The following LMX1A variants were observed in gnomAD, a reference collection of about 807,000 sequenced individuals.
LMX1A encodes the protein LIM homeobox transcription factor 1-alpha.
Under a neutral mutation model 49.1 loss-of-function variants are expected in LMX1A, and 15 were observed. The observed-to-expected ratio is 0.31, with a 90% CI of 0.20 to 0.47. LMX1A has a LOEUF of 0.47. Ranked by LOEUF, LMX1A falls within the 20% of genes least tolerant of loss-of-function variation. The probability of loss-of-function intolerance (pLI) is 1.00; values close to 1 mark genes in which losing one functional copy is unlikely to be tolerated. For synonymous variants in LMX1A, 167 were observed against 185.7 expected (o/e 0.90, Z 0.82); for missense variants, 372 against 475.8 (o/e 0.78, Z 2.03).
At chr1:165,315,286 A>G (rs1377217508) in intron 3 of LMX1A, among the ~76,000 whole-genome samples, 1 of 152,104 alleles carries the variant, frequency 6.6e-6, no homozygotes, top group Non-Finnish European at 1.5e-5. Context: ...GGCTGATTCC[A>G]GCCACCTTCC....
At chr1:165,292,061 CAAAAAAAAAAAAAAA>C (rs771664986) in intron 3 of LMX1A, among the ~76,000 whole-genome samples, 1 of 82,542 alleles carries the variant, frequency 1.2e-5, no homozygotes, top group Non-Finnish European at 2.3e-5. Context: ...AACTCCGTCT[CAAAAAAAAAAAAAAA>C]AAAAAAAAAC....
At chr1:165,221,071 C>T (rs550870518) in intron 4 of LMX1A, among the ~76,000 whole-genome samples, 1 of 152,098 alleles carries the variant, frequency 6.6e-6, no homozygotes, top group South Asian at 2.1e-4. Flanking sequence ...AAACTGAGGC[C>T]CAAGAAGAAA....
Position 165,219,819 on chromosome 1 carries a change from C to G in LMX1A, c.497-6006G>C, listed in dbSNP as rs182496454. The stretch of plus-strand genomic sequence containing the variant: ...ACTGCACAGGGACAATCCTAGGATC[C>G]AGGGATGATGAAGATTCAGCCTCTG... On this transcript the variant is annotated intron_variant, in intron 4 of 8. Coordinates refer to ENST00000342310, the MANE Select transcript of LMX1A (RefSeq NM_177398.4). Among the ~76,000 whole-genome samples the G allele has an allele frequency of 1.6e-4, 25 of 152,252 alleles. 1 individual carries two copies. In the South Asian group the frequency reaches 2.1e-3, roughly 13 times the overall value.
At chr1:165,337,886 T>TTGTGTGTGTGTGTGTGTGTGTGTGTGTG (rs1320692571) in intron 3 of LMX1A, among the ~76,000 whole-genome samples, 3 of 20,786 alleles carry the variant, frequency 1.4e-4, no homozygotes, top group African/African-American at 2.0e-4. Context: ...GTGTGTGTGT[T>TTGTGTGTGTGTGTGTGTGTGTGTGTGTG]TCTGTGTGTG....
intron 3 of LMX1A, among the ~76,000 whole-genome samples, chr1:165,265,239 C>G (rs948217095): frequency 6.6e-6 from 1 of 151,824 alleles, no homozygotes; most frequent in Non-Finnish European, 1.5e-5. Flanking sequence ...AAAAGGAGCC[C>G]CAGGGGTCCA....
intron 3 of LMX1A, among the ~76,000 whole-genome samples, chr1:165,313,579 A>C (rs1557881311): frequency 6.6e-6 from 1 of 151,856 alleles, no homozygotes; most frequent in Non-Finnish European, 1.5e-5. Flanking sequence ...AAAGCAACAA[A>C]AAATGGTATG....
At chr1:165,270,341 A>C (rs1266957884) in intron 3 of LMX1A, among the ~76,000 whole-genome samples, 2 of 152,162 alleles carry the variant, frequency 1.3e-5, no homozygotes, top group African/African-American at 4.8e-5. Context: ...TCTGTGTCTC[A>C]TGTGGGTACA....
intron 3 of LMX1A, among the ~76,000 whole-genome samples, chr1:165,275,872 T>C (rs1025283722): frequency 6.6e-6 from 1 of 151,486 alleles, no homozygotes; most frequent in African/African-American, 2.4e-5. Context: ...TGTGTGTGTG[T>C]GTGTGTGTGT....
intron 3 of LMX1A, among the ~76,000 whole-genome samples, chr1:165,336,793 T>C (rs1265021550): frequency 6.6e-6 from 1 of 152,196 alleles, no homozygotes; most frequent in Non-Finnish European, 1.5e-5. Context: ...ATTCCAGGCA[T>C]CAGACTTGTG....
chr1:165,353,327 G>T (rs1172553402), intron 2 of LMX1A, 65 bp from the exon 3 acceptor site: 15 of 1,383,736 alleles, frequency 1.1e-5, no homozygotes, highest in Non-Finnish European at 4.0e-6. Flanking sequence ...AAACCTGGCC[G>T]GGACCCGCTC....
intron 3 of LMX1A, among the ~76,000 whole-genome samples, chr1:165,280,277 T>C (rs1425002025): frequency 1.3e-5 from 2 of 152,156 alleles, no homozygotes; most frequent in African/African-American, 4.8e-5. Flanking sequence ...CAATCAGAAT[T>C]CCTCACCTCG....
At chr1:165,227,943 C>T (rs1029993381) in intron 4 of LMX1A, among the ~76,000 whole-genome samples, 5 of 152,114 alleles carry the variant, frequency 3.3e-5, no homozygotes, top group African/African-American at 7.2e-5. Flanking sequence ...TTCCTTCATT[C>T]GTGCATTTGA....
chr1:165,283,972 G>C (rs1260519382), intron 3 of LMX1A, among the ~76,000 whole-genome samples: 1 of 152,202 alleles, frequency 6.6e-6, no homozygotes, highest in East Asian at 1.9e-4. Flanking sequence ...GGACTGGCAG[G>C]AGGTAAAGAT....
At chr1:165,232,931 T>C (rs1239593365) in intron 4 of LMX1A, among the ~76,000 whole-genome samples, 1 of 152,218 alleles carries the variant, frequency 6.6e-6, no homozygotes, top group Non-Finnish European at 1.5e-5. Context: ...CTCCACTTCT[T>C]GGACTTCCTA....
In LMX1A at chr1:165,324,098, C is replaced by A. The variant is rs116233881; in HGVS notation, c.263+28978G>T. 1.0e-3 allele frequency among the ~76,000 whole-genome samples: 152 copies of A among 152,316 alleles called. 1 individual carries two copies. Among genetic ancestry groups the A allele is most frequent in the African/African-American group, 3.5e-3 (145 of 41,564 alleles). On this transcript the variant is annotated intron_variant, in intron 3 of 8. Transcript: ENST00000342310. ...AGAAAGGTGAAAATAAGACTCATGCCTGGCACATCGCAGGCATTCAGTCGA... is the reference window on the plus strand; with the variant it reads ...AGAAAGGTGAAAATAAGACTCATGCATGGCACATCGCAGGCATTCAGTCGA...
chr1:165,352,988 A>G, intron 3 of LMX1A, 88 bp downstream of exon 3: 1 of 1,371,546 alleles, frequency 7.3e-7, no homozygotes, highest in East Asian at 2.3e-5. Context: ...TGGGCCTTCC[A>G]GAAAAGGACT....
chr1:165,344,085 G>A (rs1229350709), intron 3 of LMX1A, among the ~76,000 whole-genome samples: 1 of 152,228 alleles, frequency 6.6e-6, no homozygotes, highest in Admixed American at 6.5e-5. Flanking sequence ...GCCAAGCTGA[G>A]ATTCTGAAAA....
chr1:165,292,010 C>A (rs1185343003), intron 3 of LMX1A, among the ~76,000 whole-genome samples: 1 of 135,830 alleles, frequency 7.4e-6, no homozygotes, highest in Non-Finnish European at 1.5e-5. Flanking sequence ...TGCAGTGAGT[C>A]GAGATCGCGC....
intron 3 of LMX1A, among the ~76,000 whole-genome samples, chr1:165,319,038 CA>C (rs1655305335): frequency 1.3e-5 from 2 of 148,740 alleles, no homozygotes; most frequent in African/African-American, 5.0e-5. Flanking sequence ...CACACACACA[CA>C]CACCCCAACT....
Sources: allele counts gnomAD v4.1 joint callset (sites outside exome capture counted in the v4.1 genomes callset), GRCh38; gene constraint gnomAD v4.1.1; transcripts MANE v1.5; gene names NCBI Gene and HGNC (gene_info 2026-07-23, HGNC 2026-07-21).